The following SENP7 variants were observed in gnomAD, a reference collection of about 807,000 sequenced individuals.
The protein encoded by SENP7 is sentrin-specific protease 7.
A neutral mutation model predicts 141.2 loss-of-function variants in SENP7; 64 were observed. The ratio of observed to expected loss-of-function variants is 0.45; its 90% CI spans 0.37 to 0.56. The LOEUF (loss-of-function observed/expected upper bound fraction) is 0.56, where lower values mean the gene tolerates loss of function less well. SENP7 is among the 20% of genes least tolerant of loss of function. The pLI is 0.00. For synonymous variants in SENP7, 382 were observed against 426.4 expected, an observed-to-expected ratio of 0.90 and a Z score of 1.28; for missense variants, 1,025 against 1,212.2, an observed-to-expected ratio of 0.85 and a Z score of 2.29.
In SENP7 at chr3:101,350,369, C is replaced by T. The variant is rs1293652203; in HGVS notation, c.1657+1249G>A. The stretch of plus-strand genomic sequence containing the variant: ...ATAAATCAATTTTTCCCCAGCTGCA[C>T]AGAAAAAGTGGAAACATTTAGACCC... On this transcript the variant is annotated intron_variant, in intron 12 of 23. Transcript: ENST00000394095. 2.0e-5 allele frequency among the ~76,000 whole-genome samples: 3 copies of T among 152,176 alleles called. No individual in the cohort carries two copies. The South Asian group carries it at 6.2e-4, about 32-fold the overall frequency.
chr3:101,362,898 C>T (rs922186417), intron 10 of SENP7, among the ~76,000 whole-genome samples: 1 of 152,140 alleles, frequency 6.6e-6, no homozygotes, highest in African/African-American at 2.4e-5. Flanking sequence ...AACTCTTTCC[C>T]ACTGTTTCTT....
chr3:101,376,275 G>C (rs1009906015), intron 6 of SENP7, among the ~76,000 whole-genome samples: 1 of 152,116 alleles, frequency 6.6e-6, no homozygotes, highest in Non-Finnish European at 1.5e-5. Flanking sequence ...GGAAAAGAAT[G>C]GTGGTGATGG....
chr3:101,407,632 G>C (rs1199041393), intron 5 of SENP7, among the ~76,000 whole-genome samples: 1 of 152,104 alleles, frequency 6.6e-6, no homozygotes, highest in African/African-American at 2.4e-5. Context: ...ACTCTAAAAA[G>C]AACCTTCAAA....
chr3:101,330,112 T>TA (rs1380847783), intron 20 of SENP7, among the ~76,000 whole-genome samples: 1 of 152,180 alleles, frequency 6.6e-6, no homozygotes, highest in Admixed American at 6.5e-5. Context: ...GAACATCAGA[T>TA]AAACTACTAA....
intron 4 of SENP7, among the ~76,000 whole-genome samples, chr3:101,441,209 A>C (rs1237286193): frequency 6.6e-6 from 1 of 152,152 alleles, no homozygotes; most frequent in African/African-American, 2.4e-5. Context: ...TGCTGTCCAG[A>C]AGCATGAGTA....
chr3:101,500,412 C>T (rs1358663345), intron 2 of SENP7, among the ~76,000 whole-genome samples: 1 of 152,008 alleles, frequency 6.6e-6, no homozygotes, highest in African/African-American at 2.4e-5. Flanking sequence ...TTAAAATTAG[C>T]TGGTCATGGT....
At chr3:101,443,979 T>C (rs1294940294) in intron 4 of SENP7, among the ~76,000 whole-genome samples, 1 of 149,670 alleles carries the variant, frequency 6.7e-6, no homozygotes, top group East Asian at 1.9e-4. Context: ...AGAAAATTTT[T>C]GCAACCTACT....
In SENP7 at chr3:101,347,875, G is replaced by T. The variant is rs76997413; in HGVS notation, c.1834C>A (p.Gln612Lys). Reference protein sequence around the residue: ...TQLEHSVLSQQSKSSEFIFLE... With the variant: ...TQLEHSVLSQKSKSSEFIFLE... ...TTAGAAATCATTTTATACTCACATT[G>T]CTGGCTTAATACAGAGTGTTCTAAT... The change falls in exon 13 of 24, where the codon CAA becomes AAA. Residue 612 changes from glutamine to lysine, a missense_variant. Coordinates refer to ENST00000394095, the MANE Select transcript of SENP7 (RefSeq NM_020654.5). 1,496 of 1,458,964 alleles carry T rather than the reference G, an allele frequency of 1.0e-3. 13 individuals carry two copies. The African/African-American group carries it at 0.019, about 19-fold the overall frequency. 90.4% of individuals were successfully genotyped at this position (1,458,964 alleles called of 1,614,324 possible).
intron 19 of SENP7, among the ~76,000 whole-genome samples, chr3:101,330,703 G>T (rs531156851): frequency 6.6e-6 from 1 of 152,274 alleles, no homozygotes; most frequent in South Asian, 2.1e-4. Flanking sequence ...TAATGCAGAA[G>T]GTAGTTAATC....
chr3:101,343,826 A>G lies in SENP7; in HGVS notation c.1966T>C (p.Ser656Pro). 1.2e-6 allele frequency: 2 copies of G among 1,613,974 alleles called. No individual in the cohort carries two copies. Among genetic ancestry groups the G allele is most frequent in the East Asian group, 2.2e-5 (1 of 44,832 alleles). The part of the protein sequence containing the change: ...SGELELSYPL[S>P]WVQAFPLFQN... ...AACAAAGGAAATGCCTGAACCCAAG[A>G]CAACGGGTAAGAAAGCTCTAATTCT... is the stretch of plus-strand genomic sequence containing the variant. The change falls in exon 14 of 24, where the codon TCT becomes CCT. Residue 656 changes from serine (S) to proline (P), a missense_variant. This residue lies in a region of SENP7 where 228 missense variants were observed against 228.5 expected (regional missense o/e 1.00). Transcript: ENST00000394095.
intron 6 of SENP7, among the ~76,000 whole-genome samples, chr3:101,394,097 C>T (rs2060892730): frequency 6.6e-6 from 1 of 152,098 alleles, no homozygotes; most frequent in Non-Finnish European, 1.5e-5. Context: ...CTCTCCATTG[C>T]CCCCCACCAC....
At chr3:101,491,221 C>G (rs2064956584) in intron 3 of SENP7, among the ~76,000 whole-genome samples, 1 of 151,248 alleles carries the variant, frequency 6.6e-6, no homozygotes, top group South Asian at 2.1e-4. Flanking sequence ...CTCCTGGGCT[C>G]AAAGGATCCT....
intron 8 of SENP7, among the ~76,000 whole-genome samples, chr3:101,367,539 A>G (rs974454334): frequency 3.3e-5 from 5 of 152,132 alleles, no homozygotes; most frequent in Admixed American, 1.3e-4. Flanking sequence ...AAGAAAAAGA[A>G]AAGTCTGAAG....
rs151294627 is a variant in SENP7, at chr3:101,346,905, T to TAA, written c.1837+965_1837+966dup. ...CCGGTTTCCCAAAAACCCATGGAAA[T>TAA]AAAAAAAAAATTTAATAAAAGATTT... On this transcript the variant is annotated intron_variant, in intron 13 of 23. Coordinates refer to ENST00000394095, the MANE Select transcript of SENP7 (RefSeq NM_020654.5). 6.4e-5 allele frequency among the ~76,000 whole-genome samples: 8 copies of TAA among 125,586 alleles called. No homozygotes were observed. The South Asian group carries it at 7.3e-4, about 11-fold the overall frequency. 82.4% of individuals were successfully genotyped at this position (125,586 alleles called of 152,430 possible). A position where few individuals can be genotyped will look rare whatever the true frequency, so the allele number is the denominator to read the frequency against.
intron 4 of SENP7, among the ~76,000 whole-genome samples, chr3:101,455,900 A>G (rs2063336756): frequency 6.6e-6 from 1 of 152,172 alleles, no homozygotes; most frequent in African/African-American, 2.4e-5. Context: ...GAAGTAGAAC[A>G]TTCAGAAAAA....
At chr3:101,511,520 G>A (rs2065857666) in intron 1 of SENP7, among the ~76,000 whole-genome samples, 1 of 152,168 alleles carries the variant, frequency 6.6e-6, no homozygotes, top group East Asian at 1.9e-4. Context: ...GGTGGGGGGT[G>A]GAGACTATTA....
intron 2 of SENP7, among the ~76,000 whole-genome samples, chr3:101,497,856 G>GC (rs1351330845): frequency 6.6e-6 from 1 of 152,214 alleles, no homozygotes; most frequent in East Asian, 1.9e-4. Context: ...AGGCTGGAAT[G>GC]CAGTGGTGCG....
At chr3:101,511,888 C>T (rs886521687) in intron 1 of SENP7, among the ~76,000 whole-genome samples, 4 of 152,090 alleles carry the variant, frequency 2.6e-5, no homozygotes, top group Admixed American at 6.5e-5. Context: ...GGTGCGATCT[C>T]GGCTCACTGC....
chr3:101,469,972 GACT>G (rs1267203319), intron 3 of SENP7, among the ~76,000 whole-genome samples: 1 of 152,008 alleles, frequency 6.6e-6, no homozygotes, highest in Non-Finnish European at 1.5e-5. Context: ...GCTCCTGAAT[GACT>G]ACTATGTAAG....
Sources: allele counts gnomAD v4.1 joint callset (sites outside exome capture counted in the v4.1 genomes callset), GRCh38; gene constraint gnomAD v4.1.1; regional missense constraint gnomAD v4.1.1; transcripts MANE v1.5; gene names NCBI Gene and HGNC (gene_info 2026-07-23, HGNC 2026-07-21).